RP1: variants seen among roughly 807,000 people sequenced by gnomAD.
The protein encoded by RP1 is RP1 axonemal microtubule associated, also known as oxygen-regulated protein 1.
A neutral mutation model predicts 14.8 loss-of-function variants in RP1; 16 were observed. That is an observed-to-expected ratio of 1.08 (90% CI 0.73 to 1.65). RP1 has a LOEUF of 1.65. Ranked by LOEUF, RP1 falls within the 40% of genes most tolerant of loss-of-function variation. The probability of loss-of-function intolerance (pLI) is 0.00; values close to 1 mark genes in which losing one functional copy is unlikely to be tolerated. For synonymous variants in RP1, 876 were observed against 883.6 expected, an observed-to-expected ratio of 0.99 and a Z score of 0.15; for missense variants, 2,631 against 2,535.0, an observed-to-expected ratio of 1.04 and a Z score of -0.81.
At chr8:54,677,014 T>C (rs2129334246) in intron 8 of RP1, among the ~76,000 whole-genome samples, 1 of 151,998 alleles carries the variant, frequency 6.6e-6, no homozygotes, top group Non-Finnish European at 1.5e-5. Flanking sequence ...TCTGTGGCAG[T>C]GGTTTTCAAA....
intron 14 of RP1, among the ~76,000 whole-genome samples, chr8:54,705,819 C>CT (rs71554175): frequency 0.4 from 56,157 of 141,190 alleles, 12,436 homozygotes; most frequent in African/African-American, 0.62. Flanking sequence ...CCAATTTTAG[C>CT]TTTTTTTTTT....
chr8:54,811,943 G>A (rs1811006589), intron 24 of RP1, among the ~76,000 whole-genome samples: 1 of 152,178 alleles, frequency 6.6e-6, no homozygotes, highest in Non-Finnish European at 1.5e-5. Flanking sequence ...TGTGGAGGTA[G>A]CTCAGTTATA....
At chr8:54,686,388 GTT>G (rs34796652) in intron 12 of RP1, among the ~76,000 whole-genome samples, 1 of 147,682 alleles carries the variant, frequency 6.8e-6, no homozygotes, top group Non-Finnish European at 1.5e-5. Flanking sequence ...TCCAGAAAAA[GTT>G]TTTTTTTTTT....
At chr8:54,701,721 AT>A (rs1322059777) in intron 14 of RP1, 1 of 1,460,200 alleles carries the variant, frequency 6.8e-7, no homozygotes, top group Non-Finnish European at 9.2e-7. Context: ...CTTTTGCCCT[AT>A]TGAGCAAAAG....
chr8:54,857,167 A>C, intron 27 of RP1: 1 of 595,784 alleles, frequency 1.7e-6, no homozygotes, highest in Non-Finnish European at 2.4e-6. Context: ...TCGTATAAGA[A>C]GCAGGTGAAA....
intron 8 of RP1, among the ~76,000 whole-genome samples, chr8:54,674,171 A>G (rs1043215188): frequency 6.6e-6 from 1 of 152,180 alleles, no homozygotes; most frequent in Non-Finnish European, 1.5e-5. Context: ...TAGAAAGAGT[A>G]ATTTTAAAAA....
rs146569269 is a variant in RP1, at chr8:54,664,613, C to T, written c.1323+763C>T. On this transcript the variant is annotated intron_variant, in intron 7 of 22. Transcript: ENST00000636932. Reference sequence around the variant, plus strand: ...CTATGAAGGGATATCTCATTGCTTTCGATGTACATTTCTTTATTTATTAGT... The same window carrying T: ...CTATGAAGGGATATCTCATTGCTTTTGATGTACATTTCTTTATTTATTAGT... 5.0e-3 allele frequency among the ~76,000 whole-genome samples: 756 copies of T among 152,066 alleles called. 7 individuals carry two copies. Among genetic ancestry groups the T allele is most frequent in the Non-Finnish European group, 5.4e-3 (367 of 67,966 alleles).
At chr8:54,734,535 T>TC (rs758733788) in intron 17 of RP1, 2 of 1,529,892 alleles carry the variant, frequency 1.3e-6, no homozygotes, top group South Asian at 1.2e-5. Flanking sequence ...AATGCTTTTT[T>TC]CCCCCATAGA....
intron 1 of RP1, among the ~76,000 whole-genome samples, chr8:54,607,266 A>G (rs1211041333): frequency 6.6e-6 from 1 of 152,206 alleles, no homozygotes; most frequent in African/African-American, 2.4e-5. Flanking sequence ...TCTAACAGTC[A>G]GTACCCTCAG....
In RP1 at chr8:54,628,289, A is replaced by G; in HGVS notation, c.4407A>G (p.Glu1469=). 6.2e-7 allele frequency: 1 copy of G among 1,613,970 alleles called. No individual in the cohort carries two copies. Among genetic ancestry groups the G allele is most frequent in the Non-Finnish European group, 8.5e-7 (1 of 1,179,920 alleles). The change falls in exon 4 of 4, where the codon GAA becomes GAG. Residue 1469 remains glutamate (E), a synonymous_variant. Transcript: ENST00000220676. ...ERNISELESF[E]ELENHDTDIF... ...ACATTTCAGAATTGGAATCTTTTGA[A>G]GAATTAGAAAACCATGACACTGATA...
downstream of RP1, among the ~76,000 whole-genome samples, chr8:54,635,777 A>G (rs999541992): frequency 1.3e-5 from 2 of 152,198 alleles, no homozygotes; most frequent in Non-Finnish European, 2.9e-5. Flanking sequence ...GGTCAACACC[A>G]GAGTCACATA....
chr8:54,861,770 T>C (rs1812348688), intron 27 of RP1, among the ~76,000 whole-genome samples: 1 of 152,032 alleles, frequency 6.6e-6, no homozygotes, highest in Non-Finnish European at 1.5e-5. Flanking sequence ...GCCCAGCTAA[T>C]TTTTTGTATT....
At chr8:54,734,788 G>T (rs1253289060) in intron 18 of RP1, 1 of 1,469,372 alleles carries the variant, frequency 6.8e-7, no homozygotes, top group Admixed American at 2.1e-5. Flanking sequence ...ACATTTCAAA[G>T]ACATTTCTGT....
chr8:54,744,648 G>A (rs1171512122), intron 19 of RP1, among the ~76,000 whole-genome samples: 4 of 151,946 alleles, frequency 2.6e-5, no homozygotes, highest in African/African-American at 9.7e-5. Context: ...TTCTGTATAG[G>A]TGACTACCAT....
intron 13 of RP1, among the ~76,000 whole-genome samples, chr8:54,699,827 AC>A (rs1807969122): frequency 6.6e-6 from 1 of 152,206 alleles, no homozygotes. Context: ...AAGAAGACTG[AC>A]TTCTCAATGG....
intron 1 of RP1, among the ~76,000 whole-genome samples, chr8:54,577,108 C>G (rs778254362): frequency 1.3e-5 from 2 of 152,076 alleles, no homozygotes; most frequent in African/African-American, 4.8e-5. Flanking sequence ...CTCTGCTTCC[C>G]GGGTTCAAGT....
chr8:54,654,197 T>C (rs1279904370), intron 5 of RP1, among the ~76,000 whole-genome samples: 2 of 152,218 alleles, frequency 1.3e-5, no homozygotes, highest in Non-Finnish European at 2.9e-5. Context: ...GATATTGGTT[T>C]GAAAATTTTC....
chr8:54,851,444 A>G (rs1032556786), intron 25 of RP1, among the ~76,000 whole-genome samples: 2 of 152,346 alleles, frequency 1.3e-5, no homozygotes, highest in Non-Finnish European at 2.9e-5. Context: ...TGGTTTCTCT[A>G]TGTGAAGATG....
chr8:54,678,677 G>C lies in RP1; in HGVS notation c.1478+141G>C. 1.7e-5 allele frequency: 10 copies of C among 590,698 alleles called. No individual in the cohort carries two copies. The South Asian group carries it at 2.0e-4, about 12-fold the overall frequency. 36.6% of individuals were successfully genotyped at this position (590,698 alleles called of 1,614,324 possible). On this transcript the variant is annotated intron_variant, in intron 9 of 22. Transcript: ENST00000636932. The stretch of plus-strand genomic sequence containing the variant: ...ACTTTTGTGAACATTAATTTTAGTG[G>C]CTCTTTATGCTATTGAGACAGACAT...
Sources: gnomAD v4.1 joint callset for allele counts (sites outside exome capture counted in the v4.1 genomes callset) on GRCh38, gnomAD v4.1.1 for gene constraint, MANE v1.5 for transcripts, NCBI Gene and HGNC (gene_info 2026-07-23, HGNC 2026-07-21) for gene names.